Variants in NRP1 observed in about 807,000 individuals in gnomAD.
The protein encoded by NRP1 is neuropilin-1.
A neutral mutation model predicts 106.7 loss-of-function variants in NRP1; 35 were observed. The observed-to-expected ratio is 0.33, with a 90% confidence interval of 0.25 to 0.43. NRP1 has a LOEUF of 0.43. Among genes scored for constraint, NRP1 ranks in the 20% least tolerant of loss-of-function variants. NRP1 has a pLI of 1.00. For missense variants in NRP1, 1,024 were observed against 1,170.4 expected, an observed-to-expected ratio of 0.87 and a Z score of 1.83; for synonymous variants, 437 against 417.9, an observed-to-expected ratio of 1.05 and a Z score of -0.56.
chr10:33,228,579 CTT>C (rs1356358797), intron 6 of NRP1, among the ~76,000 whole-genome samples: 1 of 152,118 alleles, frequency 6.6e-6, no homozygotes, highest in African/African-American at 2.4e-5. Context: ...GGCATATTGT[CTT>C]TCATGAATTG....
chr10:33,287,410 C>A (rs771212416), intron 2 of NRP1, among the ~76,000 whole-genome samples: 4 of 152,152 alleles, frequency 2.6e-5, no homozygotes, highest in Non-Finnish European at 4.4e-5. Flanking sequence ...TGCAATTAAA[C>A]AGGAAAGGAT....
intron 3 of NRP1, among the ~76,000 whole-genome samples, chr10:33,266,905 G>A (rs570780057): frequency 5.3e-5 from 8 of 152,176 alleles, no homozygotes; most frequent in African/African-American, 1.7e-4. Flanking sequence ...AGTGGCGGGC[G>A]CCTGTAGTCC....
intron 2 of NRP1, among the ~76,000 whole-genome samples, chr10:33,286,242 A>G (rs1055543290): frequency 9.9e-5 from 15 of 152,184 alleles, no homozygotes; most frequent in African/African-American, 3.6e-4. Flanking sequence ...AAGGTTGTTG[A>G]GATGTTATTA....
At chr10:33,191,959 C>T (rs2132628202) in intron 13 of NRP1, among the ~76,000 whole-genome samples, 1 of 112,410 alleles carries the variant, frequency 8.9e-6, no homozygotes, top group East Asian at 2.8e-4. Context: ...GCCCGGGCAA[C>T]AGTGTGAGAC....
chr10:33,242,114 C>T (rs117419069), intron 6 of NRP1, among the ~76,000 whole-genome samples: 1,744 of 151,692 alleles, frequency 0.011, 10 homozygotes, highest in Non-Finnish European at 0.02. Flanking sequence ...GAGGTTGAAT[C>T]CCAAATCACC....
At chr10:33,303,473 C>A (rs2132718596) in intron 2 of NRP1, among the ~76,000 whole-genome samples, 1 of 152,288 alleles carries the variant, frequency 6.6e-6, no homozygotes, top group South Asian at 2.1e-4. Flanking sequence ...TAGTTCTTCG[C>A]CCCTTCCTTC....
chr10:33,308,455 G>C (rs1380806580), intron 2 of NRP1, among the ~76,000 whole-genome samples: 1 of 151,242 alleles, frequency 6.6e-6, no homozygotes, highest in Non-Finnish European at 1.5e-5. Flanking sequence ...AAGAGAAAAT[G>C]GTAGGATAAA....
At chr10:33,278,558 T>C (rs1342042173) in intron 2 of NRP1, among the ~76,000 whole-genome samples, 4 of 152,204 alleles carry the variant, frequency 2.6e-5, no homozygotes, top group Admixed American at 2.0e-4. Flanking sequence ...AAAAATGTTT[T>C]CAGAAACATT....
intron 2 of NRP1, among the ~76,000 whole-genome samples, chr10:33,288,824 A>C (rs1588927609): frequency 6.6e-6 from 1 of 152,156 alleles, no homozygotes; most frequent in Non-Finnish European, 1.5e-5. Context: ...TAAAACCCTT[A>C]ATTAGGGAGT....
chr10:33,318,085 TC>T (rs1847165858), intron 2 of NRP1, among the ~76,000 whole-genome samples: 1 of 152,196 alleles, frequency 6.6e-6, no homozygotes, highest in Non-Finnish European at 1.5e-5. Context: ...ATAAGACACT[TC>T]CATCTACATT....
At chr10:33,286,089 C>T (rs747198135) in intron 2 of NRP1, among the ~76,000 whole-genome samples, 18 of 152,084 alleles carry the variant, frequency 1.2e-4, no homozygotes, top group Admixed American at 7.9e-4. Flanking sequence ...TTATCTGCAC[C>T]GTGATTTCAC....
At chr10:33,265,432 T>G (rs982670854) in intron 3 of NRP1, among the ~76,000 whole-genome samples, 5 of 152,196 alleles carry the variant, frequency 3.3e-5, no homozygotes, top group African/African-American at 1.2e-4. Context: ...TGTTCTTAAC[T>G]AAACATTCTC....
chr10:33,282,610 G>C (rs1052713373), intron 2 of NRP1, among the ~76,000 whole-genome samples: 2 of 152,112 alleles, frequency 1.3e-5, no homozygotes, highest in African/African-American at 2.4e-5. Flanking sequence ...GAGCAGGGAA[G>C]TCCTTTACCT....
intron 9 of NRP1, chr10:33,212,020 C>T (rs1232171916): frequency 1.3e-5 from 2 of 152,212 alleles, no homozygotes; most frequent in Non-Finnish European, 2.9e-5. Flanking sequence ...CCAGGGTATC[C>T]TTTCCAAGTT....
chr10:33,302,089 TA>T (rs1042447462), intron 2 of NRP1, among the ~76,000 whole-genome samples: 5 of 151,632 alleles, frequency 3.3e-5, no homozygotes, highest in African/African-American at 4.8e-5. Flanking sequence ...CTCTGTATAA[TA>T]AAAAAAAATT....
chr10:33,188,571 T>C (rs577208256), intron 13 of NRP1, among the ~76,000 whole-genome samples: 114 of 152,020 alleles, frequency 7.5e-4, no homozygotes, highest in Non-Finnish European at 1.4e-3. Flanking sequence ...CTTCTCACAC[T>C]GTGGTCTTTA....
chr10:33,240,204 C>A (rs1371695492), intron 6 of NRP1, among the ~76,000 whole-genome samples: 2 of 152,174 alleles, frequency 1.3e-5, no homozygotes, highest in Admixed American at 1.3e-4. Context: ...CACACACAGA[C>A]ACACACACAC....
At chr10:33,195,585 C>T (rs1026374609) in intron 12 of NRP1, 1 of 533,126 alleles carries the variant, frequency 1.9e-6, no homozygotes, top group African/African-American at 1.9e-5. Context: ...GCCTGCAGAA[C>T]AGTGTGGATC....
chr10:33,199,699 A>G (rs1033273959), intron 11 of NRP1, among the ~76,000 whole-genome samples: 1 of 152,114 alleles, frequency 6.6e-6, no homozygotes, highest in African/African-American at 2.4e-5. Context: ...TGTTATGTCC[A>G]GATACAGTAT....
Sources: gnomAD v4.1 joint callset for allele counts (sites outside exome capture counted in the v4.1 genomes callset) on GRCh38, gnomAD v4.1.1 for gene constraint, MANE v1.5 for transcripts, NCBI Gene and HGNC (gene_info 2026-07-23, HGNC 2026-07-21) for gene names.